The following FIG4 variants were observed in gnomAD, a reference collection of about 807,000 sequenced individuals.
FIG4 encodes the protein FIG4 phosphoinositide 5-phosphatase.
A neutral mutation model predicts 118.6 loss-of-function variants in FIG4; 112 were observed. That is an observed-to-expected ratio of 0.94 (90% CI 0.81 to 1.11). The LOEUF is 1.11. Among genes scored for constraint, FIG4 ranks in the 50% least tolerant of loss-of-function variants. The pLI, the probability that FIG4 is intolerant of heterozygous loss-of-function variation, is 0.00. For missense variants in FIG4, 969 were observed against 1,111.7 expected, an observed-to-expected ratio of 0.87 and a Z score of 1.83; for synonymous variants, 369 against 381.2, an observed-to-expected ratio of 0.97 and a Z score of 0.37.
At chr6:109,712,520 G>A (rs529600236) in intron 1 of FIG4, among the ~76,000 whole-genome samples, 91 of 151,668 alleles carry the variant, frequency 6.0e-4, no homozygotes, top group African/African-American at 1.6e-3. Flanking sequence ...TCTTTCCTCC[G>A]CTTGGTCTGT....
Position 109,764,968 on chromosome 6 carries a change from T to C in FIG4, c.1435-45T>C, listed in dbSNP as rs762429139. 3.2e-6 allele frequency: 5 copies of C among 1,573,288 alleles called. No individual in the cohort carries two copies. The Admixed American group carries it at 8.3e-5, about 26-fold the overall frequency. ...AATCTAAAGTAGTATGGAAGTTCTT[T>C]GGTGATGGAATAATGATTGAAAATC... On this transcript the variant is annotated intron_variant, in intron 13 of 22. Coordinates refer to ENST00000230124, the MANE Select transcript of FIG4 (RefSeq NM_014845.6).
chr6:109,726,151 G>A (rs1583653831), intron 3 of FIG4, among the ~76,000 whole-genome samples: 1 of 152,228 alleles, frequency 6.6e-6, no homozygotes, highest in South Asian at 2.1e-4. Flanking sequence ...TGCTTTTGGT[G>A]TTTTAGACAT....
chr6:109,801,324 G>A (rs985358821), intron 22 of FIG4, among the ~76,000 whole-genome samples: 2 of 152,016 alleles, frequency 1.3e-5, no homozygotes, highest in Admixed American at 1.3e-4. Context: ...GAGGCGGGTG[G>A]ATCACCTGAG....
At chr6:109,821,559 A>G (rs1350287749) in intron 22 of FIG4, among the ~76,000 whole-genome samples, 1 of 152,232 alleles carries the variant, frequency 6.6e-6, no homozygotes, top group Non-Finnish European at 1.5e-5. Context: ...ATTAAAAAGG[A>G]CTGAAGATGA....
At chr6:109,800,515 A>C (rs1272090573) in intron 22 of FIG4, among the ~76,000 whole-genome samples, 1 of 152,172 alleles carries the variant, frequency 6.6e-6, no homozygotes, top group Admixed American at 6.5e-5. Flanking sequence ...CCACCACTGG[A>C]ACAGTGTTGC....
intron 3 of FIG4, among the ~76,000 whole-genome samples, chr6:109,725,860 C>CT (rs1775790455): frequency 1.3e-5 from 2 of 152,156 alleles, no homozygotes; most frequent in East Asian, 3.8e-4. Context: ...TGATGATGAG[C>CT]TTTTTTTCAT....
chr6:109,715,135 G>T lies in FIG4; in HGVS notation c.124G>T (p.Asp42Tyr). 6.2e-7 allele frequency: 1 copy of T among 1,607,944 alleles called. No homozygotes were observed. The highest frequency in any genetic ancestry group is 8.5e-7 in the Non-Finnish European group (1 of 1,174,936). ...AETKYRVLKI[D>Y]RTEPKDLVII... is the part of the protein sequence containing the mutation. ...AACGAAATATCGTGTCTTGAAGATT[G>T]ATAGAACAGAACCAAAAGATTTGGT... Residue 42 changes from aspartate to tyrosine, a missense_variant, in exon 2 of 23, where the codon GAT becomes TAT. By Grantham distance (160) the Asp-to-Tyr change is radical. Around this residue, in one of 3 missense-constraint regions of FIG4, gnomAD observed 393 missense variants for 409.4 expected, o/e 0.96. Coordinates refer to ENST00000230124, the MANE Select transcript of FIG4 (RefSeq NM_014845.6).
intron 20 of FIG4, 25 bp from the exon 21 acceptor site, chr6:109,792,557 C>G (rs1298243206): frequency 1.4e-6 from 2 of 1,404,670 alleles, no homozygotes; most frequent in East Asian, 4.6e-5. Context: ...CTTCCTGGTT[C>G]TTCTTTTTTT....
At chr6:109,753,785 A>G (rs2128389395) in intron 10 of FIG4, among the ~76,000 whole-genome samples, 1 of 152,218 alleles carries the variant, frequency 6.6e-6, no homozygotes, top group African/African-American at 2.4e-5. Context: ...TTGTACATTG[A>G]TTTTGTATCC....
chr6:109,796,863 AT>A lies in FIG4; in HGVS notation c.2546+14del. 6.9e-7 allele frequency: 1 copy of A among 1,453,824 alleles called. No individual in the cohort carries two copies. The highest frequency in any genetic ancestry group is 9.7e-7 in the Non-Finnish European group (1 of 1,033,442). The allele number at this position is 1,453,824 out of a possible 1,614,324, so 90.1% of individuals were successfully genotyped here. A position where few individuals can be genotyped will look rare whatever the true frequency, so the allele number is the denominator to read the frequency against. On this transcript the variant is annotated intron_variant, in intron 22 of 22. Transcript: ENST00000230124. ...GGAGTTATAAAACTGTAAGTACTAG[AT>A]TAGATCTTTAAAGAAATCTTTGTAT...
intron 11 of FIG4, 75 bp downstream of exon 11, chr6:109,760,458 G>T: frequency 7.5e-7 from 1 of 1,331,590 alleles, no homozygotes; most frequent in Admixed American, 1.7e-5. Context: ...GCTGACCTCT[G>T]TGGTAAAGTA....
At chr6:109,786,488 A>G in intron 18 of FIG4, 39 bp downstream of exon 18, 1 of 1,609,434 alleles carries the variant, frequency 6.2e-7, no homozygotes, top group Non-Finnish European at 8.5e-7. Flanking sequence ...GTATTTGAGA[A>G]CTGTAGTTTT....
chr6:109,795,217 G>A (rs113226458), intron 21 of FIG4, among the ~76,000 whole-genome samples: 1 of 142,060 alleles, frequency 7.0e-6, no homozygotes, highest in South Asian at 2.3e-4. Flanking sequence ...CTCCGCTTCC[G>A]GGGTTCACGC....
intron 22 of FIG4, among the ~76,000 whole-genome samples, chr6:109,797,822 G>C (rs1347335843): frequency 6.6e-6 from 1 of 151,532 alleles, no homozygotes; most frequent in Non-Finnish European, 1.5e-5. Flanking sequence ...TTTGAACTCG[G>C]GAGGCGGAGG....
At position 109,777,057 on chromosome 6, in the gene FIG4, G is replaced by A; in HGVS notation, c.1886G>A (p.Arg629Lys). Residue 629 changes from arginine (R) to lysine (K), a missense_variant, in exon 16 of 23, where the codon AGA becomes AAA. Physicochemically the swap from Arg to Lys is conservative, Grantham distance 26. Transcript: ENST00000230124. Reference protein sequence around the residue: ...KNTMRLLPTRRSYTYWWTPEV... With the variant: ...KNTMRLLPTRKSYTYWWTPEV... ...ACCATGAGACTTTTGCCAACAAGAA[G>A]AAGGTATTTTTCTTCCTAGTCTGTA... is the stretch of plus-strand genomic sequence containing the variant. 6.2e-7 allele frequency: 1 copy of A among 1,613,210 alleles called. No individual in the cohort carries two copies.
Position 109,776,907 on chromosome 6 carries a change from T to C in FIG4, c.1751-15T>C. ...TCAGTAATGGATTTTCTGAAATATA[T>C]ATTTTGCTTTTTAGATGCCGATAGA... On this transcript the variant is annotated splice_polypyrimidine_tract_variant and intron_variant, in intron 15 of 22. Coordinates refer to ENST00000230124, the MANE Select transcript of FIG4 (RefSeq NM_014845.6). The C allele has an allele frequency of 6.2e-7, 1 of 1,603,156 alleles. No homozygotes were observed. Among genetic ancestry groups the C allele is most frequent in the Non-Finnish European group, 8.5e-7 (1 of 1,170,510 alleles).
At chr6:109,770,802 T>G (rs1411438258) in intron 15 of FIG4, among the ~76,000 whole-genome samples, 1 of 152,152 alleles carries the variant, frequency 6.6e-6, no homozygotes, top group Non-Finnish European at 1.5e-5. Context: ...TCTCCAAAAT[T>G]GTGGATTACA....
At position 109,727,134 on chromosome 6, in the gene FIG4, T is replaced by C; in HGVS notation, c.315T>C (p.Tyr105=). 6.2e-7 allele frequency: 1 copy of C among 1,611,126 alleles called. No homozygotes were observed. Among genetic ancestry groups the C allele is most frequent in the South Asian group, 1.1e-5 (1 of 91,020 alleles). The change falls in exon 4 of 23, where the codon TAT becomes TAC. Residue 105 remains tyrosine (Y), a synonymous_variant. Transcript: ENST00000230124. ...GTTTTGTCAGGTTCTTAGAAGGCTA[T>C]TATATTGTGTTAATAACTAAAAGGA... ...VVGFVRFLEG[Y]YIVLITKRRK...
At chr6:109,783,213 C>T (rs980247399) in intron 16 of FIG4, among the ~76,000 whole-genome samples, 3 of 152,204 alleles carry the variant, frequency 2.0e-5, no homozygotes, top group African/African-American at 7.2e-5. Context: ...ACCACTATGG[C>T]ACACATTTAC....
Sources: gnomAD v4.1 joint callset for allele counts (sites outside exome capture counted in the v4.1 genomes callset) on GRCh38, gnomAD v4.1.1 for gene constraint, gnomAD v4.1.1 regional missense constraint, MANE v1.5 for transcripts, NCBI Gene and HGNC (gene_info 2026-07-23, HGNC 2026-07-21) for gene names.